VPS13B: variants seen among roughly 807,000 people sequenced by gnomAD.
VPS13B encodes intermembrane lipid transfer protein VPS13B.
Under a neutral mutation model 426.4 loss-of-function variants are expected in VPS13B, and 285 were observed. The observed-to-expected ratio is 0.67, with a 90% confidence interval of 0.61 to 0.74. The LOEUF is 0.74. VPS13B is among the 30% of genes least tolerant of loss of function. The pLI is 0.00. For synonymous variants in VPS13B, 1,676 were observed against 1,676.4 expected (o/e 1.00, Z 0.01); for missense variants, 4,537 against 4,782.6 (o/e 0.95, Z 1.51).
At chr8:99,828,966 A>T (rs1444738136) in intron 51 of VPS13B, among the ~76,000 whole-genome samples, 1 of 152,122 alleles carries the variant, frequency 6.6e-6, no homozygotes, top group African/African-American at 2.4e-5. Context: ...TGGCCGAGAG[A>T]TCCACTGTTA....
chr8:99,547,489 G>T (rs544407040), intron 30 of VPS13B, among the ~76,000 whole-genome samples: 131 of 151,890 alleles, frequency 8.6e-4, no homozygotes, highest in Non-Finnish European at 1.6e-3. Context: ...ATAAGTGAAT[G>T]AATTTCACTT....
intron 33 of VPS13B, among the ~76,000 whole-genome samples, chr8:99,607,585 G>C (rs540320275): frequency 6.6e-6 from 1 of 152,234 alleles, no homozygotes; most frequent in African/African-American, 2.4e-5. Flanking sequence ...AGGTCTAGTA[G>C]CAGGTCATAT....
At chr8:99,086,290 G>A (rs1230878074) in intron 3 of VPS13B, among the ~76,000 whole-genome samples, 1 of 152,106 alleles carries the variant, frequency 6.6e-6, no homozygotes, top group Non-Finnish European at 1.5e-5. Context: ...TAGTTCTTGT[G>A]CCTTGGTTTT....
intron 23 of VPS13B, among the ~76,000 whole-genome samples, chr8:99,457,030 C>CTT (rs1241512227): frequency 4.9e-5 from 7 of 141,708 alleles, no homozygotes; most frequent in Non-Finnish European, 7.8e-5. Context: ...TTGTATCTTT[C>CTT]TTTTTTTTTT....
At chr8:99,465,677 T>G (rs1819077879) in intron 23 of VPS13B, among the ~76,000 whole-genome samples, 1 of 152,126 alleles carries the variant, frequency 6.6e-6, no homozygotes, top group African/African-American at 2.4e-5. Flanking sequence ...TTAAGACAAA[T>G]TTGGCAGAGC....
At chr8:99,539,111 T>C (rs1189597805) in intron 30 of VPS13B, among the ~76,000 whole-genome samples, 1 of 152,164 alleles carries the variant, frequency 6.6e-6, no homozygotes, top group Admixed American at 6.5e-5. Flanking sequence ...CTTATGATAT[T>C]AATATTTAAG....
chr8:99,572,411 T>A (rs963040830), intron 31 of VPS13B, among the ~76,000 whole-genome samples: 1 of 152,140 alleles, frequency 6.6e-6, no homozygotes, highest in African/African-American at 2.4e-5. Context: ...GCTGCACCCA[T>A]TAACTCATCA....
At chr8:99,665,424 T>C (rs1194348875) in intron 35 of VPS13B, among the ~76,000 whole-genome samples, 6 of 152,166 alleles carry the variant, frequency 3.9e-5, no homozygotes, top group Non-Finnish European at 8.8e-5. Context: ...ATTGCCTAGG[T>C]TTTCTTCTAG....
rs1002952781 is a variant in VPS13B, at chr8:99,182,412, AAC to A, written c.2334-10460_2334-10459del. On this transcript the variant is annotated intron_variant, in intron 16 of 61. Transcript: ENST00000357162. ...AGTATCTTTTTGGGGTGAGGGTTAT[AAC>A]ACAGTTATGAGTATTTGTCAAGATT... Among the ~76,000 whole-genome samples the A allele has an allele frequency of 1.6e-3, 242 of 152,298 alleles. 1 individual carries two copies. Among genetic ancestry groups the A allele is most frequent in the African/African-American group, 5.6e-3 (233 of 41,584 alleles).
intron 39 of VPS13B, among the ~76,000 whole-genome samples, chr8:99,766,546 T>C (rs1267439023): frequency 6.6e-6 from 1 of 152,230 alleles, no homozygotes; most frequent in Non-Finnish European, 1.5e-5. Context: ...ATTATTACTT[T>C]TAAAATTTTG....
intron 21 of VPS13B, among the ~76,000 whole-genome samples, chr8:99,428,831 G>A (rs545362230): frequency 5.9e-4 from 90 of 152,164 alleles, no homozygotes; most frequent in African/African-American, 1.6e-3. Flanking sequence ...ACATGCACAC[G>A]TATGTTTATT....
chr8:99,206,455 A>G (rs1314985296), intron 17 of VPS13B, among the ~76,000 whole-genome samples: 1 of 152,206 alleles, frequency 6.6e-6, no homozygotes. Flanking sequence ...TTCTCAGCGC[A>G]GTAGCATCTG....
intron 19 of VPS13B, among the ~76,000 whole-genome samples, chr8:99,343,101 T>C (rs1417687136): frequency 2.0e-5 from 3 of 151,668 alleles, no homozygotes; most frequent in Non-Finnish European, 4.4e-5. Context: ...TTCTTTCTTT[T>C]TTTTTTTTTT....
intron 15 of VPS13B, among the ~76,000 whole-genome samples, chr8:99,162,838 G>T (rs879472945): frequency 6.6e-6 from 1 of 152,138 alleles, no homozygotes; most frequent in Non-Finnish European, 1.5e-5. Flanking sequence ...GCCAATGCTG[G>T]CTCGGGCAGC....
At chr8:99,636,980 A>G (rs1399964922) in intron 33 of VPS13B, among the ~76,000 whole-genome samples, 4 of 152,062 alleles carry the variant, frequency 2.6e-5, no homozygotes, top group Non-Finnish European at 5.9e-5. Flanking sequence ...TTCATCTTAA[A>G]TAAGTTAGGT....
At chr8:99,229,132 A>G in intron 17 of VPS13B, among the ~76,000 whole-genome samples, 1 of 152,224 alleles carries the variant, frequency 6.6e-6, no homozygotes, top group Non-Finnish European at 1.5e-5. Context: ...ACTAGAGAGC[A>G]ACACCTGTGA....
intron 28 of VPS13B, among the ~76,000 whole-genome samples, chr8:99,510,664 C>A (rs1821742123): frequency 6.6e-6 from 1 of 152,056 alleles, no homozygotes. Context: ...TACCATGCCA[C>A]CACATCTGGC....
intron 19 of VPS13B, among the ~76,000 whole-genome samples, chr8:99,290,170 A>T (rs1819652601): frequency 6.6e-6 from 1 of 152,110 alleles, no homozygotes; most frequent in African/African-American, 2.4e-5. Context: ...TATGTAGTTC[A>T]TTGATGGAGA....
Position 99,832,988 on chromosome 8 carries a change from C to T in VPS13B, c.9614+336C>T, listed in dbSNP as rs182343895. On this transcript the variant is annotated intron_variant, in intron 52 of 61. Transcript: ENST00000357162. ...GATCATATCATAATGAAAAAATTAC[C>T]TGTTATGAGTTCTTAGCCTCCATAA... 2.6e-5 allele frequency among the ~76,000 whole-genome samples: 4 copies of T among 152,262 alleles called. No individual in the cohort carries two copies. The South Asian group carries it at 6.2e-4, about 24-fold the overall frequency.
Sources: allele counts gnomAD v4.1 joint callset (sites outside exome capture counted in the v4.1 genomes callset), GRCh38; gene constraint gnomAD v4.1.1; transcripts MANE v1.5; gene names NCBI Gene and HGNC (gene_info 2026-07-23, HGNC 2026-07-21).